C14orf180: variants seen among roughly 807,000 people sequenced by gnomAD.
C14orf180 encodes the protein chromosome 14 open reading frame 180, also known as nutritionally-regulated adipose and cardiac enriched protein homolog.
A neutral mutation model predicts 13.9 loss-of-function variants in C14orf180; 13 were observed. That is an observed-to-expected ratio of 0.94 (90% CI 0.61 to 1.49). C14orf180 has a LOEUF of 1.49. C14orf180 is among the 40% of genes most tolerant of loss of function. C14orf180 has a pLI of 0.00. For synonymous variants in C14orf180, 113 were observed against 106.3 expected (o/e 1.06, Z -0.39); for missense variants, 238 against 232.0 (o/e 1.03, Z -0.17).
chr14:104,583,912 A>G (rs1386516325), intron 1 of C14orf180, among the ~76,000 whole-genome samples: 1 of 152,012 alleles, frequency 6.6e-6, no homozygotes, highest in Non-Finnish European at 1.5e-5. Context: ...ACACATAGCC[A>G]CACCTCCATG....
In C14orf180 at chr14:104,581,952, C is replaced by A. The variant is rs576362469; in HGVS notation, c.-17+1949C>A. Among the ~76,000 whole-genome samples the A allele has an allele frequency of 2.0e-5, 3 of 151,460 alleles. No homozygotes were observed. The East Asian group carries it at 5.9e-4, about 30-fold the overall frequency. ...GAGTGTGGGGCCGCACGCTCAGAGC[C>A]GAGGAAGGGCAGTGCCAGGCGAGGG... is the stretch of plus-strand genomic sequence containing the variant. On this transcript the variant is annotated intron_variant, in intron 1 of 4. Coordinates refer to ENST00000557649, the MANE Select transcript of C14orf180 (RefSeq NM_001008404.3).
rs771773957 is a variant in C14orf180, at chr14:104,587,806, C to T, written c.169C>T (p.Arg57Cys). The T allele has an allele frequency of 9.9e-6, 16 of 1,612,464 alleles. No individual in the cohort carries two copies. The highest frequency in any genetic ancestry group is 1.7e-4 in the Middle Eastern group (1 of 6,048). The change falls in exon 3 of 5, where the codon CGC (arginine) becomes TGC (cysteine). Residue 57 changes from arginine (R) to cysteine (C), a missense_variant. Coordinates refer to ENST00000557649, the MANE Select transcript of C14orf180 (RefSeq NM_001008404.3). ...ILKRSRPEHH[R>C]PEAKPQRTSR... ...GAAACGGAGCCGGCCGGAGCACCAC[C>T]GCCCAGAGGCCAAGCCCCAGAGGAC...
Position 104,588,976 on chromosome 14 carries a change from C to T in C14orf180, c.*193C>T, listed in dbSNP as rs766986068. 248 of 1,224,024 alleles carry T rather than the reference C, an allele frequency of 2.0e-4. No individual in the cohort carries two copies. Among genetic ancestry groups the T allele is most frequent in the Non-Finnish European group, 2.4e-4 (221 of 909,672 alleles). 75.8% of individuals were successfully genotyped at this position (1,224,024 alleles called of 1,614,324 possible). A position where few individuals can be genotyped will look rare whatever the true frequency, so the allele number is the denominator to read the frequency against. On this transcript the variant is annotated 3_prime_UTR_variant, in exon 5 of 5. Transcript: ENST00000557649. ...ACATGGGGGGCACAGCAGGCGGCCC[C>T]GCCACACTAGTCAGCACAGCCCTCC...
At chr14:104,580,060 A>G (rs912394033) in intron 1 of C14orf180, 57 bp downstream of exon 1, 1 of 152,454 alleles carries the variant, frequency 6.6e-6, no homozygotes, top group African/African-American at 2.4e-5. Flanking sequence ...TGAAGATGCC[A>G]GAGCGGAGAG....
chr14:104,585,685 A>G (rs71421872), intron 1 of C14orf180, among the ~76,000 whole-genome samples: 1 of 121,740 alleles, frequency 8.2e-6, no homozygotes, highest in South Asian at 2.3e-4. Flanking sequence ...GGAGATAGAG[A>G]CAGAATTAGA....
chr14:104,585,925 A>AC (rs773897914), intron 1 of C14orf180, among the ~76,000 whole-genome samples: 3 of 152,156 alleles, frequency 2.0e-5, no homozygotes, highest in African/African-American at 7.2e-5. Flanking sequence ...GGTGGGCATG[A>AC]CCCTCTGGGA....
At chr14:104,584,137 G>A (rs571632194) in intron 1 of C14orf180, among the ~76,000 whole-genome samples, 2 of 152,338 alleles carry the variant, frequency 1.3e-5, no homozygotes, top group Admixed American at 6.5e-5. Flanking sequence ...GGGAGACTGC[G>A]TCCAGCCCTG....
chr14:104,584,147 G>T (rs1341325543), intron 1 of C14orf180, among the ~76,000 whole-genome samples: 1 of 152,238 alleles, frequency 6.6e-6, no homozygotes, highest in Non-Finnish European at 1.5e-5. Flanking sequence ...GTCCAGCCCT[G>T]CATCCCTGCG....
intron 4 of C14orf180, 124 bp from the exon 5 acceptor site, chr14:104,588,454 G>C (rs1886714160): frequency 3.4e-6 from 5 of 1,465,052 alleles, no homozygotes; most frequent in Non-Finnish European, 4.7e-6. Flanking sequence ...GAGACCCCAA[G>C]AGGCTAGGGA....
At chr14:104,584,772 G>A (rs1296119594) in intron 1 of C14orf180, among the ~76,000 whole-genome samples, 4 of 152,332 alleles carry the variant, frequency 2.6e-5, no homozygotes, top group Non-Finnish European at 5.9e-5. Context: ...AACCTGATCC[G>A]GCGATAGCAG....
At chr14:104,580,471 G>A (rs1293617038) in intron 1 of C14orf180, among the ~76,000 whole-genome samples, 5 of 152,246 alleles carry the variant, frequency 3.3e-5, no homozygotes, top group Non-Finnish European at 7.3e-5. Flanking sequence ...GGCAGTGGGA[G>A]AAGGGGCTGC....
chr14:104,585,110 C>G (rs907675544), intron 1 of C14orf180, among the ~76,000 whole-genome samples: 1 of 152,232 alleles, frequency 6.6e-6, no homozygotes, highest in South Asian at 2.1e-4. Flanking sequence ...TGGAGGACCA[C>G]GGGGAGCCAG....
intron 1 of C14orf180, among the ~76,000 whole-genome samples, chr14:104,586,123 T>A (rs988161286): frequency 6.6e-6 from 1 of 152,206 alleles, no homozygotes; most frequent in African/African-American, 2.4e-5. Flanking sequence ...TGACTTTCAG[T>A]GACGGGACCT....
In C14orf180 at chr14:104,585,820, G is replaced by A. The variant is rs911923886; in HGVS notation, c.-16-595G>A. ...ATAGAGACACAGAATCGGCGGGGGC[G>A]CGGTGCAGAGAGAGACACAGAGAGA... On this transcript the variant is annotated intron_variant, in intron 1 of 4. Transcript: ENST00000557649. Among the ~76,000 whole-genome samples, 22 of 152,126 alleles carry A rather than the reference G, an allele frequency of 1.4e-4. 1 individual carries two copies. Among genetic ancestry groups the A allele is most frequent in the East Asian group, 9.7e-4 (5 of 5,168 alleles).
rs1217011997 is a variant in C14orf180, at chr14:104,589,190, G to A, written c.*407G>A. ...AGGGGGACACACTGCCCGTGTTCAA[G>A]GGGCTGCTCGGAGGAGGCAAACCCA... On this transcript the variant is annotated 3_prime_UTR_variant, in exon 5 of 5. Coordinates refer to ENST00000557649, the MANE Select transcript of C14orf180 (RefSeq NM_001008404.3). The surrounding 1 kb of genome is among the most constrained non-coding windows in gnomAD (Gnocchi z 4.9). 2.0e-5 allele frequency: 7 copies of A among 350,200 alleles called. No homozygotes were observed. Among genetic ancestry groups the A allele is most frequent in the African/African-American group, 1.5e-4 (7 of 47,314 alleles). 21.7% of individuals were successfully genotyped at this position (350,200 alleles called of 1,614,324 possible). A position where few individuals can be genotyped will look rare whatever the true frequency, so the allele number is the denominator to read the frequency against.
rs1319016357 is a variant in C14orf180, at chr14:104,587,982, G to C, written c.241+104G>C. 4 of 1,397,118 alleles carry C rather than the reference G, an allele frequency of 2.9e-6. No individual in the cohort carries two copies. The East Asian group carries it at 1.0e-4, about 35-fold the overall frequency. 86.5% of individuals were successfully genotyped at this position (1,397,118 alleles called of 1,614,324 possible). On this transcript the variant is annotated intron_variant, in intron 3 of 4. Transcript: ENST00000557649. ...ACAGCTCTGGCAGGGCCCAGGACAT[G>C]GGGGGGCCGTGGCCACCTGCCTTCA...
chr14:104,585,882 C>T (rs1227681248), intron 1 of C14orf180, among the ~76,000 whole-genome samples: 2 of 152,038 alleles, frequency 1.3e-5, no homozygotes, highest in Admixed American at 6.5e-5. Context: ...CCCCCAGGAG[C>T]CCAGGGGCGC....
chr14:104,588,529 GGAA>G, intron 4 of C14orf180, 46 bp from the exon 5 acceptor site: 1 of 1,445,578 alleles, frequency 6.9e-7, no homozygotes, highest in Non-Finnish European at 9.1e-7. Context: ...AGTCCTCCAG[GGAA>G]GGGTCGCGCT....
At chr14:104,588,412 G>C (rs935196367) in intron 4 of C14orf180, 103 bp downstream of exon 4, 4 of 1,545,348 alleles carry the variant, frequency 2.6e-6, no homozygotes, top group East Asian at 2.2e-5. Flanking sequence ...GGGCCTCTAA[G>C]GAGTCCCCAG....
Sources: gnomAD v4.1 joint callset for allele counts (sites outside exome capture counted in the v4.1 genomes callset) on GRCh38, gnomAD v4.1.1 for gene constraint, Gnocchi (gnomAD v3.1) non-coding constraint, MANE v1.5 for transcripts, NCBI Gene and HGNC (gene_info 2026-07-23, HGNC 2026-07-21) for gene names.